SLC25A12: variants seen among roughly 807,000 people sequenced by gnomAD.
SLC25A12 encodes the protein electrogenic aspartate/glutamate antiporter SLC25A12, mitochondrial.
Under a neutral mutation model 83.3 loss-of-function variants are expected in SLC25A12, and 32 were observed. The observed-to-expected ratio is 0.38, with a 90% confidence interval of 0.29 to 0.52. SLC25A12 has a LOEUF of 0.52. Ranked by LOEUF, SLC25A12 falls within the 20% of genes least tolerant of loss-of-function variation. The pLI, the probability that SLC25A12 is intolerant of heterozygous loss-of-function variation, is 0.84. For synonymous variants in SLC25A12, 267 were observed against 291.1 expected (o/e 0.92, Z 0.84); for missense variants, 611 against 835.6 (o/e 0.73, Z 3.31).
intron 4 of SLC25A12, among the ~76,000 whole-genome samples, chr2:171,850,338 T>C (rs982018817): frequency 0.032 from 389 of 11,996 alleles, 13 homozygotes; most frequent in Non-Finnish European, 0.11. Context: ...CTGGTCTTTG[T>C]TTTTTTTTTT....
At chr2:171,892,510 C>A (rs1458701476) in intron 2 of SLC25A12, among the ~76,000 whole-genome samples, 1 of 152,218 alleles carries the variant, frequency 6.6e-6, no homozygotes, top group Non-Finnish European at 1.5e-5. Flanking sequence ...CAGGCGTGAG[C>A]CACCGCGCCC....
At chr2:171,806,370 G>A (rs527582014) in intron 13 of SLC25A12, among the ~76,000 whole-genome samples, 155 of 152,214 alleles carry the variant, frequency 1.0e-3, no homozygotes, top group African/African-American at 3.6e-3. Flanking sequence ...CAGGAGAATC[G>A]CATTAACCTG....
chr2:171,785,712 C>T (rs1470498532), intron 17 of SLC25A12, among the ~76,000 whole-genome samples: 1 of 152,168 alleles, frequency 6.6e-6, no homozygotes, highest in Non-Finnish European at 1.5e-5. Context: ...TGCTTGCATA[C>T]ATATATAAAC....
At chr2:171,863,754 C>T (rs1317583354) in intron 3 of SLC25A12, among the ~76,000 whole-genome samples, 1 of 152,070 alleles carries the variant, frequency 6.6e-6, no homozygotes, top group African/African-American at 2.4e-5. Context: ...ATATATGTTA[C>T]CTTTAATAAT....
chr2:171,834,003 C>T lies in SLC25A12; in HGVS notation c.805G>A (p.Asp269Asn), dbSNP rs1318887699. ...AAGTCTGCAAGCTGATATAGAATATCAATTTCTAGTGGTGTGACTTGTCCA... is the reference window on the plus strand; with the variant it reads ...AAGTCTGCAAGCTGATATAGAATATTAATTTCTAGTGGTGTGACTTGTCCA... ...RYGQVTPLEIDILYQLADLYN... is the reference protein window; with the variant it reads ...RYGQVTPLEINILYQLADLYN... The change falls in exon 8 of 18, where the codon GAT (aspartate) becomes AAT (asparagine). Residue 269 changes from aspartate to asparagine, a missense_variant. By Grantham distance (23) the Asp-to-Asn change is conservative. Around this residue, in one of 3 missense-constraint regions of SLC25A12, gnomAD observed 540 missense variants for 777.5 expected, o/e 0.69. Transcript: ENST00000422440. 1 of 1,608,944 alleles carries T rather than the reference C, an allele frequency of 6.2e-7. No individual in the cohort carries two copies. The highest frequency in any genetic ancestry group is 2.2e-5 in the East Asian group (1 of 44,774).
At chr2:171,809,548 G>A in intron 13 of SLC25A12, 58 bp downstream of exon 13, 1 of 1,283,070 alleles carries the variant, frequency 7.8e-7, no homozygotes, top group Non-Finnish European at 1.1e-6. Flanking sequence ...TATTATATCT[G>A]TGCAAAAAGG....
chr2:171,884,267 T>C (rs1306369095), intron 2 of SLC25A12, among the ~76,000 whole-genome samples: 1 of 149,948 alleles, frequency 6.7e-6, no homozygotes, highest in Non-Finnish European at 1.5e-5. Context: ...CTCGGCTCAC[T>C]GCAACCTCTG....
Position 171,783,805 on chromosome 2 carries a change from A to G in SLC25A12, c.*1469T>C, listed in dbSNP as rs1280757194. 1.3e-5 allele frequency among the ~76,000 whole-genome samples: 2 copies of G among 152,204 alleles called. No individual in the cohort carries two copies. The highest frequency in any genetic ancestry group is 2.9e-5 in the Non-Finnish European group (2 of 68,034). On this transcript the variant is annotated 3_prime_UTR_variant, in exon 18 of 18. Coordinates refer to ENST00000422440, the MANE Select transcript of SLC25A12 (RefSeq NM_003705.5). ...ATACATTTGAAAATAACTTGCTTTCAAAGCTAATTCTTTTGTTCCTGGAGG... is the reference window on the plus strand; with the variant it reads ...ATACATTTGAAAATAACTTGCTTTCGAAGCTAATTCTTTTGTTCCTGGAGG...
intron 2 of SLC25A12, among the ~76,000 whole-genome samples, chr2:171,875,910 C>CAAAAAAA (rs34276775): frequency 5.1e-5 from 5 of 98,940 alleles, no homozygotes; most frequent in Admixed American, 1.1e-4. Flanking sequence ...GACTCTGTCT[C>CAAAAAAA]AAAAAAAAAA....
At chr2:171,814,473 CA>C (rs1684007695) in intron 10 of SLC25A12, among the ~76,000 whole-genome samples, 3 of 151,766 alleles carry the variant, frequency 2.0e-5, no homozygotes, top group African/African-American at 7.2e-5. Flanking sequence ...ATTCATATCC[CA>C]AATCTCAATT....
intron 15 of SLC25A12, chr2:171,788,819 C>T (rs901740148): frequency 9.2e-5 from 14 of 152,216 alleles, no homozygotes; most frequent in African/African-American, 3.4e-4. Context: ...CATGGCCTTG[C>T]ACCCTATTCA....
intron 9 of SLC25A12, among the ~76,000 whole-genome samples, chr2:171,815,507 G>C (rs1459652614): frequency 6.6e-6 from 1 of 152,014 alleles, no homozygotes; most frequent in Non-Finnish European, 1.5e-5. Context: ...CTACTGTTGG[G>C]GGAATACACT....
At position 171,855,819 on chromosome 2, in the gene SLC25A12, T is replaced by G. The variant is rs377493509; in HGVS notation, c.325+15A>C. On this transcript the variant is annotated intron_variant, in intron 4 of 17. Coordinates refer to ENST00000422440, the MANE Select transcript of SLC25A12 (RefSeq NM_003705.5). ...CATCATTAACTTATCACTTATAATC[T>G]TCTTTTTCCCTTACCAAATGTCACC... is the stretch of plus-strand genomic sequence containing the variant. 2 of 1,430,090 alleles carry G rather than the reference T, an allele frequency of 1.4e-6. No individual in the cohort carries two copies. Among genetic ancestry groups the G allele is most frequent in the Non-Finnish European group, 2.0e-6 (2 of 1,012,476 alleles). 88.6% of individuals were successfully genotyped at this position (1,430,090 alleles called of 1,614,324 possible).
chr2:171,819,116 T>C (rs1441827087), intron 9 of SLC25A12, among the ~76,000 whole-genome samples: 2 of 139,744 alleles, frequency 1.4e-5, no homozygotes, highest in African/African-American at 2.7e-5. Context: ...AAAATATATA[T>C]ATAATATATA....
At position 171,876,547 on chromosome 2, in the gene SLC25A12, G is replaced by GGC. The variant is rs1685577432; in HGVS notation, c.67-7725_67-7724insGC. 7.4e-5 allele frequency among the ~76,000 whole-genome samples: 4 copies of GGC among 53,842 alleles called. No homozygotes were observed. The South Asian group carries it at 3.1e-3, about 42-fold the overall frequency. 35.3% of individuals were successfully genotyped at this position (53,842 alleles called of 152,430 possible). On this transcript the variant is annotated intron_variant, in intron 2 of 17. Transcript: ENST00000422440. Reference sequence around the variant, plus strand: ...GGGGTTTGGGTTTTTTTTTTTTGGGGGGGGGGGGACTCAAGTGATCCTCCC... The same window carrying GGC: ...GGGGTTTGGGTTTTTTTTTTTTGGGGGCGGGGGGGGACTCAAGTGATCCTCCC...
At chr2:171,883,331 T>A (rs1685736849) in intron 2 of SLC25A12, among the ~76,000 whole-genome samples, 1 of 152,188 alleles carries the variant, frequency 6.6e-6, no homozygotes, top group African/African-American at 2.4e-5. Flanking sequence ...CTTAGACAGA[T>A]GAGAAAACAG....
intron 12 of SLC25A12, among the ~76,000 whole-genome samples, chr2:171,809,903 T>C (rs934228066): frequency 5.3e-5 from 8 of 152,214 alleles, no homozygotes; most frequent in Non-Finnish European, 1.2e-4. Context: ...TCTCACTCTG[T>C]TGCTCAGGCT....
chr2:171,871,174 T>A (rs1685449397), intron 2 of SLC25A12, among the ~76,000 whole-genome samples: 1 of 151,584 alleles, frequency 6.6e-6, no homozygotes, highest in South Asian at 2.1e-4. Context: ...CACACTCCAG[T>A]CTGAGTGACA....
chr2:171,814,956 TACG>T (rs1229952909), intron 10 of SLC25A12, among the ~76,000 whole-genome samples, 162 bp downstream of exon 10: 1 of 152,252 alleles, frequency 6.6e-6, no homozygotes, highest in Non-Finnish European at 1.5e-5. Flanking sequence ...TAGCCATTGC[TACG>T]ACAAGTCTCC....
Sources: allele counts gnomAD v4.1 joint callset (sites outside exome capture counted in the v4.1 genomes callset), GRCh38; gene constraint gnomAD v4.1.1; regional missense constraint gnomAD v4.1.1; transcripts MANE v1.5; gene names NCBI Gene and HGNC (gene_info 2026-07-23, HGNC 2026-07-21).